Variants in USP47 observed in about 807,000 individuals in gnomAD.
The protein encoded by USP47 is ubiquitin specific peptidase 47.
USP47 carries 35 observed loss-of-function variants against 165.1 expected under a neutral mutation model. The ratio of observed to expected loss-of-function variants is 0.21; its 90% confidence interval spans 0.16 to 0.28. The LOEUF (loss-of-function observed/expected upper bound fraction) is 0.28, where lower values mean the gene tolerates loss of function less well. USP47 is among the 10% of genes least tolerant of loss of function. USP47 has a pLI of 1.00. For synonymous variants in USP47, 531 were observed against 544.5 expected (o/e 0.98, Z 0.35); for missense variants, 1,277 against 1,607.4 (o/e 0.79, Z 3.52).
chr11:11,939,159 C>T (rs563134774), intron 18 of USP47, among the ~76,000 whole-genome samples: 10 of 151,900 alleles, frequency 6.6e-5, no homozygotes, highest in Admixed American at 1.3e-4. Flanking sequence ...TTAGTCCACA[C>T]CAGACAAATG....
At position 11,950,498 on chromosome 11, in the gene USP47, T is replaced by C. The variant is rs201273300; in HGVS notation, c.3583+16T>C. 9.1e-6 allele frequency: 14 copies of C among 1,545,092 alleles called. No individual in the cohort carries two copies. Among genetic ancestry groups the C allele is most frequent in the African/African-American group, 2.7e-5 (2 of 72,792 alleles). On this transcript the variant is annotated intron_variant, in intron 24 of 27. Transcript: ENST00000527733. ...GTTCTTGATGGTATTTTCAATATTT[T>C]TGGGGGGAAGTATCAGTTAGAAATA...
At position 11,956,089 on chromosome 11, in the gene USP47, C is replaced by T. The variant is rs1184615765; in HGVS notation, c.3982C>T (p.His1328Tyr). 1.2e-6 allele frequency: 2 copies of T among 1,611,536 alleles called. No individual in the cohort carries two copies. Among genetic ancestry groups the T allele is most frequent in the Non-Finnish European group, 8.5e-7 (1 of 1,179,202 alleles). Residue 1328 changes from histidine (H) to tyrosine (Y), a missense_variant, in exon 28 of 28, where the codon CAT becomes TAT. Transcript: ENST00000527733. ...AAGCAGTCGACTCCAGAAGACTGGA[C>T]ATCGTGTAACATACTCACCTCGTAA... ...KESSRLQKTG[H>Y]RVTYSPRKEK...
chr11:11,906,496 A>G (rs1852573218), intron 8 of USP47, among the ~76,000 whole-genome samples: 1 of 152,008 alleles, frequency 6.6e-6, no homozygotes, highest in Non-Finnish European at 1.5e-5. Flanking sequence ...ATTCCTTTTG[A>G]TTTTTTCTCC....
rs151007058 is a variant in USP47, at chr11:11,918,739, A to G, written c.970-1417A>G. 2.6e-5 allele frequency among the ~76,000 whole-genome samples: 4 copies of G among 152,086 alleles called. No individual in the cohort carries two copies. The East Asian group carries it at 7.7e-4, about 29-fold the overall frequency. Reference sequence around the variant, plus strand: ...GGTATTAACTATAAGCCGGAGACCAATACACACACACCAAAGTAGAATTTG... The same window carrying G: ...GGTATTAACTATAAGCCGGAGACCAGTACACACACACCAAAGTAGAATTTG... On this transcript the variant is annotated intron_variant, in intron 8 of 27. Transcript: ENST00000527733.
At chr11:11,883,607 T>C (rs1564863394) in intron 2 of USP47, among the ~76,000 whole-genome samples, 1 of 152,212 alleles carries the variant, frequency 6.6e-6, no homozygotes, top group Non-Finnish European at 1.5e-5. Flanking sequence ...CTTTGAAACA[T>C]TAAAAACATT....
rs1372462741 is a variant in USP47 at position 11,875,045 on chromosome 11, G to A, written c.40-5132G>A. ...GAAAATTGACTTATTGTGTGTGTGT[G>A]TGTGTGTGTGTGTGTGTGTGTGTGT... On this transcript the variant is annotated intron_variant, in intron 1 of 27. Coordinates refer to ENST00000527733, the MANE Select transcript of USP47 (RefSeq NM_001282659.2). Among the ~76,000 whole-genome samples the A allele has an allele frequency of 1.1e-3, 158 of 137,708 alleles. 1 individual carries two copies. The highest frequency in any genetic ancestry group is 4.7e-3 in the South Asian group (22 of 4,676). 90.3% of individuals were successfully genotyped at this position (137,708 alleles called of 152,430 possible).
intron 5 of USP47, among the ~76,000 whole-genome samples, chr11:11,900,737 C>T (rs1278780262): frequency 2.6e-5 from 4 of 152,180 alleles, no homozygotes; most frequent in African/African-American, 9.7e-5. Context: ...AGGAAAGAAT[C>T]ACATATGCAC....
chr11:11,917,907 A>T (rs941000077), intron 8 of USP47, among the ~76,000 whole-genome samples: 1 of 152,158 alleles, frequency 6.6e-6, no homozygotes, highest in Non-Finnish European at 1.5e-5. Context: ...GAAAGCAAAC[A>T]TTAAAATTTG....
intron 1 of USP47, among the ~76,000 whole-genome samples, chr11:11,864,945 T>C (rs1338299930): frequency 6.6e-6 from 1 of 152,134 alleles, no homozygotes; most frequent in African/African-American, 2.4e-5. Flanking sequence ...TTGACAGCTC[T>C]TCTTTCAGCC....
intron 1 of USP47, among the ~76,000 whole-genome samples, chr11:11,856,037 G>A (rs1363417425): frequency 6.6e-6 from 1 of 152,214 alleles, no homozygotes; most frequent in Non-Finnish European, 1.5e-5. Flanking sequence ...TGTAGAGAAG[G>A]AGGAATAGTG....
chr11:11,941,962 A>G (rs1400049789), intron 19 of USP47, among the ~76,000 whole-genome samples: 1 of 152,078 alleles, frequency 6.6e-6, no homozygotes, highest in Non-Finnish European at 1.5e-5. Context: ...TCTGTAGTTC[A>G]GGCTAAACTT....
intron 1 of USP47, among the ~76,000 whole-genome samples, chr11:11,878,162 A>G (rs1276789087): frequency 6.6e-6 from 1 of 152,128 alleles, no homozygotes; most frequent in African/African-American, 2.4e-5. Flanking sequence ...GCATTCACAT[A>G]TTTAGGGAAA....
At position 11,872,242 on chromosome 11, in the gene USP47, A is replaced by G. The variant is rs184816795; in HGVS notation, c.40-7935A>G. Among the ~76,000 whole-genome samples the G allele has an allele frequency of 1.1e-3, 174 of 152,244 alleles. No homozygotes were observed. In the Middle Eastern group the frequency reaches 0.014, roughly 12 times the overall value. ...GGATGTGGCTGGAACATCTACACAT[A>G]GTTTTTCCAGTGGCTGCTTGGCTTC... On this transcript the variant is annotated intron_variant, in intron 1 of 27. Transcript: ENST00000527733.
intron 13 of USP47, 102 bp from the exon 14 acceptor site, chr11:11,930,594 A>C: frequency 1.1e-6 from 1 of 888,126 alleles, no homozygotes; most frequent in Non-Finnish European, 1.7e-6. Context: ...ATGATTTTCT[A>C]ATTGTTTTTT....
chr11:11,847,315 C>A (rs556261205), intron 1 of USP47, among the ~76,000 whole-genome samples: 2 of 151,638 alleles, frequency 1.3e-5, no homozygotes, highest in African/African-American at 4.8e-5. Flanking sequence ...TCCTATTTCC[C>A]CTCTCCTCTT....
chr11:11,865,211 G>A (rs1849604333), intron 1 of USP47, among the ~76,000 whole-genome samples: 1 of 152,126 alleles, frequency 6.6e-6, no homozygotes, highest in Non-Finnish European at 1.5e-5. Flanking sequence ...AATTTGGGAA[G>A]TTTTCAGCAG....
Position 11,948,553 on chromosome 11 carries a change from C to A in USP47, c.3343C>A (p.Gln1115Lys), listed in dbSNP as rs766549377. The change falls in exon 22 of 28, where the codon CAA becomes AAA. Residue 1115 changes from glutamine to lysine, a missense_variant. Gln to Lys is a moderately conservative substitution (Grantham distance 53). Around this residue, in one of 4 missense-constraint regions of USP47, gnomAD observed 909 missense variants for 1,068.1 expected, o/e 0.85. Transcript: ENST00000527733. ...VKVYQLLVNE[Q>K]EPCKFLLDAV... ...AGTATACCAGCTTTTGGTCAATGAACAAGAGGTAAGTAATACGTTTAAGAA... is the reference window on the plus strand; with the variant it reads ...AGTATACCAGCTTTTGGTCAATGAAAAAGAGGTAAGTAATACGTTTAAGAA... 3 of 1,607,900 alleles carry A rather than the reference C, an allele frequency of 1.9e-6. No individual in the cohort carries two copies. The highest frequency in any genetic ancestry group is 3.3e-5 in the Admixed American group (2 of 59,930).
intron 24 of USP47, among the ~76,000 whole-genome samples, 171 bp downstream of exon 24, chr11:11,950,653 C>G (rs977598335): frequency 6.6e-6 from 1 of 152,052 alleles, no homozygotes; most frequent in Non-Finnish European, 1.5e-5. Flanking sequence ...TGATTCCTAC[C>G]TACGTCTTAT....
chr11:11,948,285 T>C (rs965156328), intron 21 of USP47, 165 bp downstream of exon 21: 9 of 899,150 alleles, frequency 1.0e-5, no homozygotes, highest in Non-Finnish European at 1.5e-5. Context: ...TCTTCACTCA[T>C]CTAACAAACA....
Sources: gnomAD v4.1 joint callset for allele counts (sites outside exome capture counted in the v4.1 genomes callset) on GRCh38, gnomAD v4.1.1 for gene constraint, gnomAD v4.1.1 regional missense constraint, MANE v1.5 for transcripts, NCBI Gene and HGNC (gene_info 2026-07-23, HGNC 2026-07-21) for gene names.